CNTN4: variants seen among roughly 807,000 people sequenced by gnomAD.
CNTN4 encodes contactin-4.
In CNTN4, 77 loss-of-function variants were observed where a neutral mutation model predicts 122.5. The observed-to-expected ratio is 0.63, with a 90% confidence interval of 0.52 to 0.76. CNTN4 has a LOEUF of 0.76. CNTN4 is among the 30% of genes least tolerant of loss of function. The pLI, the probability that CNTN4 is intolerant of heterozygous loss-of-function variation, is 0.00. For synonymous variants in CNTN4, 512 were observed against 447.0 expected (o/e 1.15, Z -1.83); for missense variants, 1,256 against 1,259.1 (o/e 1.00, Z 0.04).
intron 3 of CNTN4, among the ~76,000 whole-genome samples, chr3:2,467,058 C>G (rs2075527226): frequency 7.4e-6 from 1 of 135,940 alleles, no homozygotes. Flanking sequence ...AGATGCCAGT[C>G]TTGCCTTATT....
chr3:2,662,224 A>C (rs1049368592), intron 4 of CNTN4, among the ~76,000 whole-genome samples: 11 of 152,196 alleles, frequency 7.2e-5, no homozygotes, highest in African/African-American at 2.7e-4. Flanking sequence ...ATTTCCCATC[A>C]CCTTGCTGTT....
rs760154155 is a variant in CNTN4, at chr3:2,988,390, T to C, written c.1404T>C (p.Thr468=). 19 of 1,613,654 alleles carry C rather than the reference T, an allele frequency of 1.2e-5. No homozygotes were observed. Among genetic ancestry groups the C allele is most frequent in the Non-Finnish European group, 1.6e-5 (19 of 1,179,762 alleles). The stretch of plus-strand genomic sequence containing the variant: ...GAAACCTCAGAATCATCAACGTTAC[T>C]AAATCAGACGCTGGGAGTTATACCT... The part of the protein sequence containing the change: ...EDGNLRIINV[T]KSDAGSYTCI... Residue 468 remains threonine, a synonymous_variant, in exon 14 of 25, where the codon ACT becomes ACC. Transcript: ENST00000418658.
At chr3:2,531,740 G>C (rs572787253) in intron 3 of CNTN4, among the ~76,000 whole-genome samples, 1 of 152,212 alleles carries the variant, frequency 6.6e-6, no homozygotes, top group East Asian at 1.9e-4. Flanking sequence ...CATTTGATGA[G>C]TGGAATTATC....
At chr3:3,007,279 A>G (rs1249385177) in intron 14 of CNTN4, among the ~76,000 whole-genome samples, 2 of 152,206 alleles carry the variant, frequency 1.3e-5, no homozygotes, top group African/African-American at 4.8e-5. Context: ...TGTTTTCTGA[A>G]GGATGGTGGT....
chr3:2,580,504 G>C (rs763312254), intron 4 of CNTN4, among the ~76,000 whole-genome samples: 77 of 152,222 alleles, frequency 5.1e-4, no homozygotes, highest in Middle Eastern at 6.8e-3. Flanking sequence ...TACTGTACTG[G>C]AATATGCTGC....
chr3:2,581,120 G>A (rs563149923), intron 4 of CNTN4, among the ~76,000 whole-genome samples: 129 of 152,156 alleles, frequency 8.5e-4, no homozygotes, highest in Non-Finnish European at 8.4e-4. Context: ...TGGGGCTCAG[G>A]CCCAGACTTA....
intron 2 of CNTN4, among the ~76,000 whole-genome samples, chr3:2,272,527 A>T (rs1377460532): frequency 6.6e-6 from 1 of 152,190 alleles, no homozygotes; most frequent in Non-Finnish European, 1.5e-5. Flanking sequence ...TTAAAGTTAT[A>T]CTATGATAAA....
rs186754824 is a variant in CNTN4, at chr3:2,312,817, G to A, written c.-144-26361G>A. 5.9e-5 allele frequency among the ~76,000 whole-genome samples: 9 copies of A among 151,982 alleles called. No homozygotes were observed. In the East Asian group the frequency reaches 9.7e-4, roughly 16 times the overall value. On this transcript the variant is annotated intron_variant, in intron 2 of 24. Transcript: ENST00000418658. ...TTTTGGATTTTTAAACTGTTTTTAC[G>A]TGTATGTTTCTGTGTGTTTGTGTGG...
intron 4 of CNTN4, among the ~76,000 whole-genome samples, chr3:2,595,001 C>T (rs536397355): frequency 6.6e-6 from 1 of 152,288 alleles, no homozygotes; most frequent in South Asian, 2.1e-4. Context: ...CCAATTCCAT[C>T]TCACATTGGG....
chr3:2,284,445 C>G (rs748842776), intron 2 of CNTN4, among the ~76,000 whole-genome samples: 6 of 152,034 alleles, frequency 3.9e-5, no homozygotes, highest in Non-Finnish European at 7.4e-5. Context: ...ATCCTTTTAA[C>G]TGGTCTGGAA....
chr3:2,795,128 A>G (rs373401243), intron 6 of CNTN4, among the ~76,000 whole-genome samples: 259 of 152,346 alleles, frequency 1.7e-3, no homozygotes, highest in African/African-American at 5.9e-3. Flanking sequence ...TTATGGTCTG[A>G]TAGTTTTAGT....
intron 7 of CNTN4, among the ~76,000 whole-genome samples, chr3:2,840,447 TC>T (rs1577012631): frequency 6.6e-6 from 1 of 150,918 alleles, no homozygotes; most frequent in East Asian, 2.0e-4. Context: ...ACGCCTGTCA[TC>T]CCAGCACTTT....
At chr3:2,803,015 A>C (rs2675316) in intron 6 of CNTN4, among the ~76,000 whole-genome samples, 46,794 of 152,040 alleles carry the variant, frequency 0.31, 7,515 homozygotes, top group Non-Finnish European at 0.36. Flanking sequence ...AAAAAGACAG[A>C]GATATAGTAG....
At chr3:2,506,492 A>G (rs2076734384) in intron 3 of CNTN4, among the ~76,000 whole-genome samples, 1 of 152,224 alleles carries the variant, frequency 6.6e-6, no homozygotes, top group South Asian at 2.1e-4. Context: ...GAGAGATTCA[A>G]TTTCTTCCTC....
intron 4 of CNTN4, among the ~76,000 whole-genome samples, chr3:2,683,937 A>G (rs923561928): frequency 2.0e-5 from 3 of 152,126 alleles, no homozygotes; most frequent in Admixed American, 1.3e-4. Flanking sequence ...CCAGCCTTTT[A>G]AAGAAATTCC....
At chr3:2,349,814 T>C (rs1369419484) in intron 3 of CNTN4, among the ~76,000 whole-genome samples, 1 of 152,078 alleles carries the variant, frequency 6.6e-6, no homozygotes, top group Non-Finnish European at 1.5e-5. Flanking sequence ...ATATAACACA[T>C]TGAGAATGTT....
chr3:2,718,724 T>C (rs1160975323), intron 4 of CNTN4, among the ~76,000 whole-genome samples: 1 of 152,204 alleles, frequency 6.6e-6, no homozygotes, highest in East Asian at 1.9e-4. Flanking sequence ...CACATTTATT[T>C]CTGTAATTTC....
intron 3 of CNTN4, among the ~76,000 whole-genome samples, chr3:2,544,246 A>G (rs1017825210): frequency 3.3e-5 from 5 of 152,116 alleles, no homozygotes; most frequent in Admixed American, 6.6e-5. Flanking sequence ...GTATTTTGGT[A>G]AATGATGGAG....
intron 3 of CNTN4, among the ~76,000 whole-genome samples, chr3:2,432,979 T>TTTTG (rs143427537): frequency 3.3e-4 from 50 of 151,600 alleles, no homozygotes; most frequent in African/African-American, 1.0e-3. Context: ...TCATTTGTTT[T>TTTTG]TTTGTTTGTT....
Sources: allele counts gnomAD v4.1 joint callset (sites outside exome capture counted in the v4.1 genomes callset), GRCh38; gene constraint gnomAD v4.1.1; transcripts MANE v1.5; gene names NCBI Gene and HGNC (gene_info 2026-07-23, HGNC 2026-07-21).